PLCL1: variants seen among roughly 807,000 people sequenced by gnomAD.
The protein encoded by PLCL1 is phospholipase C like 1 (inactive).
A neutral mutation model predicts 84.4 loss-of-function variants in PLCL1; 41 were observed. The ratio of observed to expected loss-of-function variants is 0.49; its 90% CI spans 0.38 to 0.63. The LOEUF (loss-of-function observed/expected upper bound fraction) is 0.63, where lower values mean the gene tolerates loss of function less well. PLCL1 is among the 30% of genes least tolerant of loss of function. The pLI, the probability that PLCL1 is intolerant of heterozygous loss-of-function variation, is 0.00. For missense variants in PLCL1, 1,206 were observed against 1,367.8 expected (o/e 0.88, Z 1.87); for synonymous variants, 490 against 488.3 (o/e 1.00, Z -0.05).
chr2:198,023,206 C>G lies in PLCL1; in HGVS notation c.241-60552C>G, dbSNP rs574931203. Among the ~76,000 whole-genome samples the G allele has an allele frequency of 2.5e-3, 387 of 152,258 alleles. 1 individual carries two copies. The highest frequency in any genetic ancestry group is 4.8e-3 in the Non-Finnish European group (326 of 68,028). On this transcript the variant is annotated intron_variant, in intron 1 of 5. Coordinates refer to ENST00000428675, the MANE Select transcript of PLCL1 (RefSeq NM_006226.4). ...AAACTGGCTAGCCATATGCAGAAAA[C>G]TGAAACTGGACCTCTTCCTTACACC...
intron 1 of PLCL1, among the ~76,000 whole-genome samples, chr2:198,005,628 G>A (rs780796080): frequency 6.6e-5 from 10 of 152,270 alleles, no homozygotes; most frequent in Middle Eastern, 3.4e-3. Flanking sequence ...CAGTGTTGAC[G>A]GGCAGACTGC....
chr2:198,140,866 A>G (rs1412759980), intron 5 of PLCL1, among the ~76,000 whole-genome samples: 1 of 152,180 alleles, frequency 6.6e-6, no homozygotes, highest in East Asian at 1.9e-4. Flanking sequence ...TTTCAGAAGT[A>G]TTCAATTAAT....
chr2:197,877,999 CAG>C (rs1303020362), intron 1 of PLCL1, among the ~76,000 whole-genome samples: 1 of 151,978 alleles, frequency 6.6e-6, no homozygotes, highest in African/African-American at 2.4e-5. Flanking sequence ...TAGTTAGAGA[CAG>C]TGGGTAAATA....
rs1688165568 is a variant in PLCL1, at chr2:197,897,191, C to CTTCTTCTTCTCCTT, written c.240+91852_240+91853insTTCTTCTTCTCCTT. 9.3e-5 allele frequency among the ~76,000 whole-genome samples: 3 copies of CTTCTTCTTCTCCTT among 32,214 alleles called. 1 individual carries two copies. The highest frequency in any genetic ancestry group is 3.5e-4 in the African/African-American group (3 of 8,478). 21.1% of individuals were successfully genotyped at this position (32,214 alleles called of 152,430 possible). ...TTCTTCTTCTTCTTCTTCTTCTTCT[C>CTTCTTCTTCTCCTT]CTTCTCCTTCTTCTTTCTTCTTCCT... On this transcript the variant is annotated intron_variant, in intron 1 of 5. Transcript: ENST00000428675.
At chr2:198,053,162 A>G (rs1691982957) in intron 1 of PLCL1, among the ~76,000 whole-genome samples, 1 of 152,192 alleles carries the variant, frequency 6.6e-6, no homozygotes, top group South Asian at 2.1e-4. Flanking sequence ...GAAGTCAGTA[A>G]TCTATAGTGA....
At position 197,993,544 on chromosome 2, in the gene PLCL1, ATGT is replaced by A. The variant is rs1690389070; in HGVS notation, c.241-90211_241-90209del. 5.3e-5 allele frequency among the ~76,000 whole-genome samples: 8 copies of A among 151,946 alleles called. No individual in the cohort carries two copies. In the South Asian group the frequency reaches 1.7e-3, roughly 32 times the overall value. ...GGCAGTGTTGAGATACTAACAAGGG[ATGT>A]TGAAGTGCCTTGTGTAACAGTGTAG... is the stretch of plus-strand genomic sequence containing the variant. On this transcript the variant is annotated intron_variant, in intron 1 of 5. Coordinates refer to ENST00000428675, the MANE Select transcript of PLCL1 (RefSeq NM_006226.4).
intron 3 of PLCL1, among the ~76,000 whole-genome samples, chr2:198,095,884 C>T (rs7608078): frequency 0.016 from 2,460 of 152,182 alleles, 67 homozygotes; most frequent in African/African-American, 0.054. Flanking sequence ...TAAGCAGAGA[C>T]GGAATCAGCA....
At chr2:197,836,629 C>G (rs996054092) in intron 1 of PLCL1, among the ~76,000 whole-genome samples, 1 of 152,034 alleles carries the variant, frequency 6.6e-6, no homozygotes. Context: ...ATTTAAACTA[C>G]CCAAATAATC....
At chr2:197,962,655 G>A (rs1574971041) in intron 1 of PLCL1, among the ~76,000 whole-genome samples, 1 of 151,886 alleles carries the variant, frequency 6.6e-6, no homozygotes, top group Non-Finnish European at 1.5e-5. Flanking sequence ...TTCACTGTAG[G>A]CACTCTTTTG....
At chr2:197,890,112 A>G (rs1008999537) in intron 1 of PLCL1, among the ~76,000 whole-genome samples, 1 of 152,232 alleles carries the variant, frequency 6.6e-6, no homozygotes, top group Non-Finnish European at 1.5e-5. Context: ...AGAAGAGCCA[A>G]CAGGGAAGGT....
intron 1 of PLCL1, among the ~76,000 whole-genome samples, chr2:198,020,573 GAA>G (rs532424499): frequency 6.8e-6 from 1 of 146,830 alleles, no homozygotes; most frequent in South Asian, 2.2e-4. Context: ...AAAAAAAAAA[GAA>G]AAAAAAAGCA....
chr2:197,932,595 C>T (rs369451451), intron 1 of PLCL1, among the ~76,000 whole-genome samples: 7 of 152,238 alleles, frequency 4.6e-5, no homozygotes, highest in Admixed American at 6.6e-5. Context: ...GTTCAGCTTC[C>T]GCTTATAAGT....
chr2:197,977,305 C>G lies in PLCL1; in HGVS notation c.241-106453C>G, dbSNP rs186548015. On this transcript the variant is annotated intron_variant, in intron 1 of 5. Transcript: ENST00000428675. ...GCCCCCTCACCTAACCCCCTGTTGT[C>G]CTATTAGGACAGCTTCAGTCTCTAG... Among the ~76,000 whole-genome samples the G allele has an allele frequency of 4.6e-5, 7 of 151,850 alleles. No homozygotes were observed. The East Asian group carries it at 5.8e-4, about 13-fold the overall frequency.
At chr2:198,066,096 G>A (rs1559091502) in intron 1 of PLCL1, among the ~76,000 whole-genome samples, 2 of 152,048 alleles carry the variant, frequency 1.3e-5, no homozygotes, top group African/African-American at 4.8e-5. Flanking sequence ...CCTCTCCTTT[G>A]TTAGCTTTTC....
intron 1 of PLCL1, among the ~76,000 whole-genome samples, chr2:197,995,650 A>G (rs1400000059): frequency 6.6e-6 from 1 of 152,172 alleles, no homozygotes; most frequent in East Asian, 1.9e-4. Flanking sequence ...GCATTTGAGC[A>G]GTCAACAATC....
Position 198,031,630 on chromosome 2 carries a change from C to T in PLCL1, c.241-52128C>T, listed in dbSNP as rs1691426473. 1.4e-5 allele frequency among the ~76,000 whole-genome samples: 2 copies of T among 146,590 alleles called. 1 individual carries two copies. The highest frequency in any genetic ancestry group is 4.4e-4 in the South Asian group (2 of 4,520). On this transcript the variant is annotated intron_variant, in intron 1 of 5. Coordinates refer to ENST00000428675, the MANE Select transcript of PLCL1 (RefSeq NM_006226.4). ...CTTAGCTTCCCCAGTGCTGAGGTTA[C>T]AGGTATGAGCCACCGTGAATGGCCA...
At chr2:197,966,020 C>T (rs967095540) in intron 1 of PLCL1, among the ~76,000 whole-genome samples, 1 of 152,020 alleles carries the variant, frequency 6.6e-6, no homozygotes, top group East Asian at 1.9e-4. Context: ...GGGTTCTTCC[C>T]TTCAAGGAAG....
chr2:197,826,795 G>T (rs2106422022), intron 1 of PLCL1, among the ~76,000 whole-genome samples: 1 of 152,280 alleles, frequency 6.6e-6, no homozygotes, highest in African/African-American at 2.4e-5. Context: ...TCCAAGCCAG[G>T]TGCTTAAAAA....
intron 1 of PLCL1, among the ~76,000 whole-genome samples, chr2:198,001,202 A>G (rs1057088187): frequency 6.6e-6 from 1 of 152,170 alleles, no homozygotes; most frequent in Non-Finnish European, 1.5e-5. Flanking sequence ...TATTTACCAC[A>G]TGGCATTGTG....
Sources: allele counts gnomAD v4.1 joint callset (sites outside exome capture counted in the v4.1 genomes callset), GRCh38; gene constraint gnomAD v4.1.1; transcripts MANE v1.5; gene names NCBI Gene and HGNC (gene_info 2026-07-23, HGNC 2026-07-21).